The following FGL1 variants were observed in gnomAD, a reference collection of about 807,000 sequenced individuals.
The protein encoded by FGL1 is fibrinogen-like protein 1.
A neutral mutation model predicts 43.7 loss-of-function variants in FGL1; 59 were observed. That is an observed-to-expected ratio of 1.35 (90% CI 1.10 to 1.68). FGL1 has a LOEUF of 1.68. FGL1 is among the 40% of genes most tolerant of loss of function. The pLI, the probability that FGL1 is intolerant of heterozygous loss-of-function variation, is 0.00. For missense variants in FGL1, 596 were observed against 373.0 expected (o/e 1.60, Z -4.92); for synonymous variants, 192 against 126.5 (o/e 1.52, Z -3.48).
intron 7 of FGL1, 163 bp downstream of exon 7, chr8:17,868,385 T>G: frequency 2.1e-6 from 1 of 485,884 alleles, no homozygotes; most frequent in Non-Finnish European, 3.3e-6. Flanking sequence ...GAACAAATCC[T>G]CAAAACGACT....
intron 1 of FGL1, among the ~76,000 whole-genome samples, chr8:17,891,033 C>G (rs2053697030): frequency 6.6e-6 from 1 of 152,174 alleles, no homozygotes. Context: ...CTCCTTAGCA[C>G]TTATCACCAA....
chr8:17,875,559 T>C (rs1340121811), intron 3 of FGL1, among the ~76,000 whole-genome samples: 316 of 18,620 alleles, frequency 0.017, 33 homozygotes, highest in African/African-American at 0.04. Flanking sequence ...CTTTCTTTCT[T>C]TCTTTCTTTC....
chr8:17,887,855 C>G (rs1194912996), intron 1 of FGL1, among the ~76,000 whole-genome samples: 1 of 151,314 alleles, frequency 6.6e-6, no homozygotes, highest in Non-Finnish European at 1.5e-5. Flanking sequence ...AAAAGTATCT[C>G]TAGACCCATT....
chr8:17,895,223 ACC>A (rs2053757457), intron 1 of FGL1: 1 of 856,404 alleles, frequency 1.2e-6, no homozygotes, highest in South Asian at 5.0e-5. Context: ...ATTCTAACAT[ACC>A]TTATTTGTAT....
chr8:17,881,999 C>G lies in FGL1; in HGVS notation c.244G>C (p.Asp82His). Residue 82 changes from aspartate to histidine, a missense_variant and splice_region_variant, in exon 3 of 8, where the codon GAT becomes CAT. Asp to His is a moderately conservative substitution (Grantham distance 81). Coordinates refer to ENST00000427924, the MANE Select transcript of FGL1 (RefSeq NM_004467.4). ...ACACTTAAGAAAAGTCCATTCTGAC[C>G]TGCATACTGCCTCTTGCTTCCAAGA... ...IDLGSKRQYA[D>H]CSEIFNDGYK... 1.2e-6 allele frequency: 2 copies of G among 1,613,426 alleles called. No homozygotes were observed. The highest frequency in any genetic ancestry group is 1.1e-5 in the South Asian group (1 of 90,924).
rs1436429689 is a variant in FGL1 at position 17,894,412 on chromosome 8, C to G, written c.-18+1035G>C. On this transcript the variant is annotated intron_variant, in intron 1 of 7. Transcript: ENST00000427924. ...GCTATTTCCTTCCAAATTTTTTCCT[C>G]TTTCTGAAAATGGAATATAACTGTG... Among the ~76,000 whole-genome samples, 2 of 146,822 alleles carry G rather than the reference C, an allele frequency of 1.4e-5. 1 individual carries two copies. The highest frequency in any genetic ancestry group is 5.4e-5 in the African/African-American group (2 of 37,232).
intron 1 of FGL1, among the ~76,000 whole-genome samples, chr8:17,889,381 C>T (rs1312316534): frequency 2.0e-5 from 3 of 152,098 alleles, no homozygotes; most frequent in African/African-American, 4.8e-5. Context: ...AAAACTCCAT[C>T]GCTACTAAAA....
intron 1 of FGL1, chr8:17,891,819 A>C (rs919904472): frequency 1.3e-5 from 13 of 980,720 alleles, no homozygotes; most frequent in Non-Finnish European, 1.5e-5. Flanking sequence ...TTCCAGCAAC[A>C]ACAAAAATAA....
intron 1 of FGL1, among the ~76,000 whole-genome samples, chr8:17,892,675 A>G (rs2053721477): frequency 6.6e-6 from 1 of 152,224 alleles, no homozygotes; most frequent in Non-Finnish European, 1.5e-5. Context: ...GCTAAGGATT[A>G]GTAGTAAAAA....
At chr8:17,890,448 G>A (rs1342133286) in intron 1 of FGL1, among the ~76,000 whole-genome samples, 1 of 152,070 alleles carries the variant, frequency 6.6e-6, no homozygotes, top group Non-Finnish European at 1.5e-5. Flanking sequence ...GAAATACACA[G>A]ACTTCTCAGG....
In FGL1 at chr8:17,874,308, T is replaced by A. The variant is rs1207028265; in HGVS notation, c.404+54A>T. On this transcript the variant is annotated intron_variant, in intron 4 of 7. Coordinates refer to ENST00000427924, the MANE Select transcript of FGL1 (RefSeq NM_004467.4). ...CAGGATATGATCAAAATATTTGACT[T>A]ATAAATCTCACATTTGCTGCTACAT... is the stretch of plus-strand genomic sequence containing the variant. The A allele has an allele frequency of 1.9e-6, 3 of 1,566,040 alleles. No homozygotes were observed. The Admixed American group carries it at 5.5e-5, about 29-fold the overall frequency.
intron 1 of FGL1, among the ~76,000 whole-genome samples, chr8:17,887,016 T>A (rs1182213853): frequency 6.6e-6 from 1 of 152,098 alleles, no homozygotes; most frequent in Non-Finnish European, 1.5e-5. Context: ...CCTTTCAGAA[T>A]ATGGAAGATT....
chr8:17,878,136 G>C (rs1052717123), intron 3 of FGL1, among the ~76,000 whole-genome samples: 3 of 151,742 alleles, frequency 2.0e-5, no homozygotes, highest in East Asian at 1.9e-4. Context: ...TTTTTTTATA[G>C]TGTTAGAGTC....
intron 6 of FGL1, 52 bp from the exon 7 acceptor site, chr8:17,868,787 T>G (rs1225801538): frequency 2.6e-6 from 4 of 1,528,608 alleles, no homozygotes; most frequent in Middle Eastern, 3.5e-4. Context: ...ATGACCATTT[T>G]AAAATTAAGT....
chr8:17,880,118 A>C (rs1300477085), intron 3 of FGL1, among the ~76,000 whole-genome samples: 3 of 152,136 alleles, frequency 2.0e-5, no homozygotes, highest in African/African-American at 7.2e-5. Flanking sequence ...TTGGCTCCAG[A>C]GGCACTGGCC....
chr8:17,873,669 T>C (rs34963397), intron 5 of FGL1, among the ~76,000 whole-genome samples: 5,106 of 144,864 alleles, frequency 0.035, 282 homozygotes, highest in African/African-American at 0.12. Context: ...AATATATATA[T>C]ATTCTATATA....
intron 2 of FGL1, among the ~76,000 whole-genome samples, chr8:17,883,986 G>C (rs558947961): frequency 2.2e-5 from 3 of 139,454 alleles, no homozygotes; most frequent in Non-Finnish European, 4.6e-5. Flanking sequence ...CCCATCCCTA[G>C]GTCCAAGTCA....
At position 17,882,020 on chromosome 8, in the gene FGL1, C is replaced by G; in HGVS notation, c.223G>C (p.Gly75Arg). Residue 75 changes from glycine (G) to arginine (R), a missense_variant, in exon 3 of 8, where the codon GGA (glycine) becomes CGA (arginine). Physicochemically the swap from Gly to Arg is moderately radical, Grantham distance 125 (BLOSUM62 -2). Transcript: ENST00000427924. ...TGACCTGCATACTGCCTCTTGCTTC[C>G]AAGATCAATGACAGTATTCTCATCT... ...KGDENTVIDLGSKRQYADCSE... is the reference protein window; with the variant it reads ...KGDENTVIDLRSKRQYADCSE... 6.2e-7 allele frequency: 1 copy of G among 1,613,742 alleles called. No homozygotes were observed. The highest frequency in any genetic ancestry group is 1.1e-5 in the South Asian group (1 of 91,016).
chr8:17,882,105 C>G lies in FGL1; in HGVS notation c.138G>C (p.Gln46His). 1 of 1,614,068 alleles carries G rather than the reference C, an allele frequency of 6.2e-7. No individual in the cohort carries two copies. The highest frequency in any genetic ancestry group is 8.5e-7 in the Non-Finnish European group (1 of 1,180,010). ...AAAGCTGCTTGATCTTGACCTGTTG[C>G]TGTTTGACCCGGGTCTCAAGCAGGC... Reference protein sequence around the residue: ...QVRLLETRVKQQQVKIKQLLQ... With the variant: ...QVRLLETRVKHQQVKIKQLLQ... Residue 46 changes from glutamine to histidine, a missense_variant, in exon 3 of 8, where the codon CAG becomes CAC. Gln to His is a conservative substitution (Grantham distance 24). Transcript: ENST00000427924.
Sources: gnomAD v4.1 joint callset for allele counts (sites outside exome capture counted in the v4.1 genomes callset) on GRCh38, gnomAD v4.1.1 for gene constraint, MANE v1.5 for transcripts, NCBI Gene and HGNC (gene_info 2026-07-23, HGNC 2026-07-21) for gene names.